Variants in DOK6 observed in about 807,000 individuals in gnomAD.
DOK6 encodes the protein downstream of tyrosine kinase 6.
Under a neutral mutation model 44.0 loss-of-function variants are expected in DOK6, and 22 were observed. The observed-to-expected ratio is 0.50, with a 90% confidence interval of 0.36 to 0.71. The LOEUF (loss-of-function observed/expected upper bound fraction) is 0.71, where lower values mean the gene tolerates loss of function less well. Ranked by LOEUF, DOK6 falls within the 30% of genes least tolerant of loss-of-function variation. The pLI, the probability that DOK6 is intolerant of heterozygous loss-of-function variation, is 0.00. For synonymous variants in DOK6, 166 were observed against 145.5 expected, an observed-to-expected ratio of 1.14 and a Z score of -1.01; for missense variants, 340 against 416.4, an observed-to-expected ratio of 0.82 and a Z score of 1.60.
At chr18:69,818,785 A>G (rs907257438) in intron 7 of DOK6, among the ~76,000 whole-genome samples, 2 of 152,320 alleles carry the variant, frequency 1.3e-5, no homozygotes, top group East Asian at 3.9e-4. Context: ...AACTGGAGCC[A>G]CGTAGAGATG....
intron 2 of DOK6, among the ~76,000 whole-genome samples, chr18:69,570,631 T>C (rs1490792652): frequency 6.6e-6 from 1 of 152,116 alleles, no homozygotes; most frequent in African/African-American, 2.4e-5. Flanking sequence ...GAATCATGCC[T>C]ACCAGGTCTT....
intron 7 of DOK6, among the ~76,000 whole-genome samples, chr18:69,784,286 T>C (rs17062094): frequency 0.057 from 8,742 of 152,228 alleles, 254 homozygotes; most frequent in Middle Eastern, 0.1. Flanking sequence ...TAAATGTATG[T>C]GGGCATAATA....
At position 69,712,325 on chromosome 18, in the gene DOK6, AAT is replaced by A. The variant is rs1163240657; in HGVS notation, c.599+13733_599+13734del. Among the ~76,000 whole-genome samples the A allele has an allele frequency of 2.8e-3, 163 of 57,550 alleles. 68 individuals are homozygous for A. The highest frequency in any genetic ancestry group is 6.3e-3 in the South Asian group (10 of 1,586). 37.8% of individuals were successfully genotyped at this position (57,550 alleles called of 152,430 possible). A position where few individuals can be genotyped will look rare whatever the true frequency, so the allele number is the denominator to read the frequency against. ...AAAAAAAAAAAAAAAAAAAAAAAAA[AAT>A]TTAACCTTTTCCGAATCACATTTGT... is the stretch of plus-strand genomic sequence containing the variant. On this transcript the variant is annotated intron_variant, in intron 5 of 7. Transcript: ENST00000382713.
At chr18:69,752,345 A>G (rs1007290295) in intron 6 of DOK6, among the ~76,000 whole-genome samples, 3 of 152,208 alleles carry the variant, frequency 2.0e-5, no homozygotes, top group African/African-American at 7.2e-5. Context: ...TAGGGGAACA[A>G]CGGTCATAAT....
At chr18:69,611,441 G>T (rs993799896) in intron 3 of DOK6, among the ~76,000 whole-genome samples, 23 of 151,530 alleles carry the variant, frequency 1.5e-4, no homozygotes, top group African/African-American at 5.3e-4. Context: ...ATACAACCTA[G>T]AAATTACACT....
intron 3 of DOK6, among the ~76,000 whole-genome samples, chr18:69,619,592 T>A (rs1599225590): frequency 6.6e-6 from 1 of 152,322 alleles, no homozygotes; most frequent in East Asian, 1.9e-4. Context: ...TGGGTAAAAG[T>A]TAGAAAACAG....
chr18:69,411,713 A>T (rs1373986000), intron 1 of DOK6, among the ~76,000 whole-genome samples: 1 of 151,848 alleles, frequency 6.6e-6, no homozygotes, highest in East Asian at 1.9e-4. Flanking sequence ...GGGCTTCTTG[A>T]TTCTATGGCT....
At chr18:69,506,690 G>A (rs1981195659) in intron 1 of DOK6, among the ~76,000 whole-genome samples, 1 of 151,938 alleles carries the variant, frequency 6.6e-6, no homozygotes, top group East Asian at 1.9e-4. Context: ...CTAGAATTGT[G>A]AGTAAACATT....
intron 1 of DOK6, among the ~76,000 whole-genome samples, chr18:69,405,011 G>C (rs1046998914): frequency 1.3e-5 from 2 of 152,186 alleles, no homozygotes; most frequent in Non-Finnish European, 2.9e-5. Context: ...CTTCGCTGTA[G>C]GGGAAGCAGG....
intron 1 of DOK6, among the ~76,000 whole-genome samples, chr18:69,422,029 G>A (rs76418988): frequency 0.033 from 5,006 of 152,230 alleles, 134 homozygotes; most frequent in Admixed American, 0.087. Context: ...CACTTAGAAA[G>A]CCCTCAATTT....
chr18:69,435,090 G>GGAAGGAAA (rs1978939032), intron 1 of DOK6, among the ~76,000 whole-genome samples: 1 of 148,726 alleles, frequency 6.7e-6, no homozygotes, highest in East Asian at 1.9e-4. Flanking sequence ...AAGGAAGGAA[G>GGAAGGAAA]GAAAGAAGGA....
chr18:69,808,585 C>A, intron 7 of DOK6, among the ~76,000 whole-genome samples: 1 of 151,592 alleles, frequency 6.6e-6, no homozygotes, highest in Non-Finnish European at 1.5e-5. Flanking sequence ...AAAATGAGAA[C>A]TGAAAGAGGA....
At chr18:69,785,265 C>G (rs1980396062) in intron 7 of DOK6, among the ~76,000 whole-genome samples, 1 of 152,218 alleles carries the variant, frequency 6.6e-6, no homozygotes, top group South Asian at 2.1e-4. Flanking sequence ...GCATCTTATT[C>G]ATCAAATCTA....
intron 3 of DOK6, among the ~76,000 whole-genome samples, chr18:69,605,110 G>GTT (rs1411222100): frequency 1.4e-5 from 2 of 145,582 alleles, no homozygotes; most frequent in Admixed American, 6.9e-5. Context: ...GTGTGTGTGT[G>GTT]TGTGTGTGTG....
chr18:69,401,268 A>T lies in DOK6; in HGVS notation c.24A>T (p.Ile8=). The T allele has an allele frequency of 1.3e-6, 2 of 1,583,748 alleles. No homozygotes were observed. The highest frequency in any genetic ancestry group is 1.7e-6 in the Non-Finnish European group (2 of 1,165,740). MASNFND[I]VKQGYVKIRS... is the part of the protein sequence containing the mutation. ...CCATGGCCTCCAACTTTAACGACAT[A>T]GTCAAGCAGGGCTACGTGAAAATCC... The change falls in exon 1 of 8, where the codon ATA becomes ATT. Residue 8 remains isoleucine, a synonymous_variant. Coordinates refer to ENST00000382713, the MANE Select transcript of DOK6 (RefSeq NM_152721.6).
intron 6 of DOK6, among the ~76,000 whole-genome samples, chr18:69,749,898 T>G (rs1220175110): frequency 1.3e-5 from 2 of 148,774 alleles, no homozygotes; most frequent in Non-Finnish European, 3.0e-5. Context: ...CCACCAAGAC[T>G]GCGCCACTGC....
At chr18:69,609,325 A>G (rs964075910) in intron 3 of DOK6, among the ~76,000 whole-genome samples, 17 of 152,286 alleles carry the variant, frequency 1.1e-4, no homozygotes, top group African/African-American at 3.9e-4. Flanking sequence ...AAATTATCCA[A>G]TTCCAAAACA....
At chr18:69,558,072 G>A (rs190890367) in intron 1 of DOK6, among the ~76,000 whole-genome samples, 73 of 152,198 alleles carry the variant, frequency 4.8e-4, no homozygotes, top group Non-Finnish European at 1.0e-4. Flanking sequence ...TCATTTACAA[G>A]CAAAATAAAA....
At chr18:69,749,748 G>A (rs1979108003) in intron 6 of DOK6, among the ~76,000 whole-genome samples, 1 of 152,008 alleles carries the variant, frequency 6.6e-6, no homozygotes, top group Non-Finnish European at 1.5e-5. Flanking sequence ...AGACCATCCT[G>A]GCCAACATGG....
Sources: allele counts gnomAD v4.1 joint callset (sites outside exome capture counted in the v4.1 genomes callset), GRCh38; gene constraint gnomAD v4.1.1; transcripts MANE v1.5; gene names NCBI Gene and HGNC (gene_info 2026-07-23, HGNC 2026-07-21).